Variants in GRIN2A observed in about 807,000 individuals in gnomAD.
The protein encoded by GRIN2A is glutamate ionotropic receptor NMDA type subunit 2A.
GRIN2A carries 22 observed loss-of-function variants against 113.4 expected under a neutral mutation model. That is an observed-to-expected ratio of 0.19 (90% CI 0.14 to 0.28). The LOEUF (loss-of-function observed/expected upper bound fraction) is 0.28, where lower values mean the gene tolerates loss of function less well. GRIN2A is among the 10% of genes least tolerant of loss of function. GRIN2A has a pLI of 1.00. For synonymous variants in GRIN2A, 827 were observed against 738.4 expected (o/e 1.12, Z -1.94); for missense variants, 1,502 against 1,887.0 (o/e 0.80, Z 3.78).
chr16:9,788,137 T>A (rs1437116214), intron 11 of GRIN2A, among the ~76,000 whole-genome samples: 1 of 152,218 alleles, frequency 6.6e-6, no homozygotes, highest in African/African-American at 2.4e-5. Flanking sequence ...TTGCCTGAAC[T>A]ATCACTTAGC....
chr16:9,930,166 C>A (rs1281546309), intron 3 of GRIN2A, among the ~76,000 whole-genome samples: 3 of 152,124 alleles, frequency 2.0e-5, no homozygotes, highest in Admixed American at 6.5e-5. Context: ...TCTCATGGGT[C>A]CATCAGGCCT....
At chr16:9,793,166 T>C (rs1270269485) in intron 11 of GRIN2A, among the ~76,000 whole-genome samples, 1 of 152,206 alleles carries the variant, frequency 6.6e-6, no homozygotes, top group Non-Finnish European at 1.5e-5. Flanking sequence ...CAGAATATTA[T>C]ATAAAGGCTT....
At chr16:9,955,903 C>G (rs573529926) in intron 2 of GRIN2A, among the ~76,000 whole-genome samples, 1 of 152,212 alleles carries the variant, frequency 6.6e-6, no homozygotes, top group African/African-American at 2.4e-5. Context: ...GGCTGTATCA[C>G]CTTTGGGCAG....
chr16:10,165,675 G>A (rs1360208381), intron 2 of GRIN2A, among the ~76,000 whole-genome samples: 2 of 121,394 alleles, frequency 1.6e-5, no homozygotes, highest in East Asian at 2.9e-4. Context: ...GAGAGAAGAG[G>A]AGAGGGGAGG....
At chr16:9,941,675 G>A (rs1227082682) in intron 2 of GRIN2A, among the ~76,000 whole-genome samples, 2 of 151,560 alleles carry the variant, frequency 1.3e-5, no homozygotes, top group Non-Finnish European at 2.9e-5. Flanking sequence ...GGATGGGGGG[G>A]AAAAAAAACA....
At chr16:9,846,734 T>C (rs1392403056) in intron 5 of GRIN2A, among the ~76,000 whole-genome samples, 2 of 152,196 alleles carry the variant, frequency 1.3e-5, no homozygotes, top group African/African-American at 4.8e-5. Flanking sequence ...TAGGAAGAGC[T>C]AACCCAGCTT....
chr16:10,058,070 C>A (rs989574338), intron 2 of GRIN2A, among the ~76,000 whole-genome samples: 2 of 152,006 alleles, frequency 1.3e-5, no homozygotes, highest in Non-Finnish European at 2.9e-5. Context: ...GCCTGACCAA[C>A]GTGTTGAAAC....
intron 2 of GRIN2A, among the ~76,000 whole-genome samples, chr16:10,119,769 G>T (rs1017243711): frequency 1.3e-5 from 2 of 152,044 alleles, no homozygotes; most frequent in African/African-American, 4.8e-5. Flanking sequence ...TTTGTCTGTT[G>T]TTCCCCTCCC....
intron 11 of GRIN2A, among the ~76,000 whole-genome samples, chr16:9,783,361 C>T (rs1485637603): frequency 6.6e-6 from 1 of 152,150 alleles, no homozygotes; most frequent in African/African-American, 2.4e-5. Flanking sequence ...CAGTCTTTAC[C>T]CAAATGTGGG....
At chr16:10,012,612 G>A (rs1391402914) in intron 2 of GRIN2A, among the ~76,000 whole-genome samples, 1 of 152,180 alleles carries the variant, frequency 6.6e-6, no homozygotes, top group African/African-American at 2.4e-5. Flanking sequence ...TACCTTACAT[G>A]GCAAAAGGGA....
chr16:9,839,377 A>T lies in GRIN2A; in HGVS notation c.1651+1270T>A, dbSNP rs532288191. ...AGAAAACATAGCTCTTCCTTGATTT[A>T]AAAAAAAAAAACACCTTTTATGTAA... On this transcript the variant is annotated intron_variant, in intron 7 of 12. Coordinates refer to ENST00000330684, the MANE Select transcript of GRIN2A (RefSeq NM_001134407.3). 7.4e-5 allele frequency among the ~76,000 whole-genome samples: 10 copies of T among 135,680 alleles called. No homozygotes were observed. In the East Asian group the frequency reaches 1.0e-3, roughly 14 times the overall value. 89.0% of individuals were successfully genotyped at this position (135,680 alleles called of 152,430 possible).
At chr16:10,132,458 T>C (rs1475826039) in intron 2 of GRIN2A, among the ~76,000 whole-genome samples, 2 of 152,058 alleles carry the variant, frequency 1.3e-5, no homozygotes, top group African/African-American at 4.8e-5. Flanking sequence ...AAACAGGTGC[T>C]ATACCACTTA....
chr16:9,771,346 A>T (rs950904786), intron 11 of GRIN2A, among the ~76,000 whole-genome samples: 4 of 150,560 alleles, frequency 2.7e-5, no homozygotes, highest in African/African-American at 9.8e-5. Flanking sequence ...TTTCCCGTTA[A>T]TTTATTCTTT....
At chr16:10,039,802 G>GAGAGAGA (rs1555469289) in intron 2 of GRIN2A, among the ~76,000 whole-genome samples, 1 of 56,166 alleles carries the variant, frequency 1.8e-5, no homozygotes, top group Non-Finnish European at 3.2e-5. Flanking sequence ...GGGAGGGGGA[G>GAGAGAGA]GGGGGGGAGA....
chr16:9,982,242 G>C (rs2045905194), intron 2 of GRIN2A, among the ~76,000 whole-genome samples: 2 of 152,318 alleles, frequency 1.3e-5, no homozygotes, highest in South Asian at 4.1e-4. Flanking sequence ...TTTGCTGGCA[G>C]TTCAGGCCAG....
Position 9,769,179 on chromosome 16 carries a change from C to T in GRIN2A, c.2357-90G>A. 4 of 981,058 alleles carry T rather than the reference C, an allele frequency of 4.1e-6. No individual in the cohort carries two copies. In the South Asian group the frequency reaches 5.1e-5, roughly 13 times the overall value. The allele number at this position is 981,058 out of a possible 1,614,324, so 60.8% of individuals were successfully genotyped here. On this transcript the variant is annotated intron_variant, in intron 11 of 12. Transcript: ENST00000330684. ...TGGGTTTGGAACAGACGATGTGCAA[C>T]TCACAGCTATGTAACCTTAAGACAA...
At chr16:10,001,734 C>T (rs2046323965) in intron 2 of GRIN2A, among the ~76,000 whole-genome samples, 1 of 152,184 alleles carries the variant, frequency 6.6e-6, no homozygotes, top group African/African-American at 2.4e-5. Context: ...GCCTGAGTCA[C>T]ATGGCCTGCT....
At chr16:10,056,454 C>T (rs2141997601) in intron 2 of GRIN2A, among the ~76,000 whole-genome samples, 1 of 152,308 alleles carries the variant, frequency 6.6e-6, no homozygotes, top group South Asian at 2.1e-4. Context: ...AGCCACCTTC[C>T]ATTGCTTCAT....
intron 2 of GRIN2A, among the ~76,000 whole-genome samples, chr16:10,087,020 G>A (rs1344247054): frequency 6.6e-6 from 1 of 152,198 alleles, no homozygotes; most frequent in African/African-American, 2.4e-5. Flanking sequence ...TGGGGAGGAG[G>A]AACAAGGAGT....
Sources: gnomAD v4.1 joint callset for allele counts (sites outside exome capture counted in the v4.1 genomes callset) on GRCh38, gnomAD v4.1.1 for gene constraint, MANE v1.5 for transcripts, NCBI Gene and HGNC (gene_info 2026-07-23, HGNC 2026-07-21) for gene names.